PLA2G4C: variants seen among roughly 807,000 people sequenced by gnomAD.
PLA2G4C encodes cytosolic phospholipase A2 gamma.
In PLA2G4C, 64 loss-of-function variants were observed where a neutral mutation model predicts 73.8. The ratio of observed to expected loss-of-function variants is 0.87; its 90% CI spans 0.71 to 1.07. PLA2G4C has a LOEUF of 1.07. PLA2G4C is among the 50% of genes least tolerant of loss of function. The pLI, the probability that PLA2G4C is intolerant of heterozygous loss-of-function variation, is 0.00. For missense variants in PLA2G4C, 622 were observed against 665.4 expected, an observed-to-expected ratio of 0.93 and a Z score of 0.72; for synonymous variants, 254 against 252.1, an observed-to-expected ratio of 1.01 and a Z score of -0.07.
At chr19:48,057,860 G>A (rs1401062155) in intron 14 of PLA2G4C, among the ~76,000 whole-genome samples, 1 of 151,468 alleles carries the variant, frequency 6.6e-6, no homozygotes, top group Non-Finnish European at 1.5e-5. Flanking sequence ...TTTAGAGACA[G>A]GATCTTGCTG....
At position 48,106,619 on chromosome 19, in the gene PLA2G4C, G is replaced by T. The variant is rs370956103; in HGVS notation, c.-32-58C>A. 38 of 1,394,448 alleles carry T rather than the reference G, an allele frequency of 2.7e-5. No homozygotes were observed. In the African/African-American group the frequency reaches 4.8e-4, roughly 18 times the overall value. The allele number at this position is 1,394,448 out of a possible 1,614,324, so 86.4% of individuals were successfully genotyped here. ...CCCACTGTTGGGCTTAGCAAAGACA[G>T]TGGGGGAGGGCTGGGACTGTCACGG... On this transcript the variant is annotated intron_variant, in intron 1 of 16. Transcript: ENST00000599921.
Position 48,053,120 on chromosome 19 carries a change from T to C in PLA2G4C, c.1457A>G (p.Tyr486Cys), listed in dbSNP as rs1273847514. 6.2e-7 allele frequency: 1 copy of C among 1,607,202 alleles called. No homozygotes were observed. The highest frequency in any genetic ancestry group is 2.2e-5 in the East Asian group (1 of 44,642). Residue 486 changes from tyrosine (Y) to cysteine (C), a missense_variant, in exon 16 of 17, where the codon TAC becomes TGC. By Grantham distance (194) the Tyr-to-Cys change is radical. Coordinates refer to ENST00000599921, the MANE Select transcript of PLA2G4C (RefSeq NM_003706.3). Reference protein sequence around the residue: ...GGDIEAWSDTYDTFKLADTYT... With the variant: ...GGDIEAWSDTCDTFKLADTYT... ...GGTGTCAGCAAGCTTGAATGTGTCG[T>C]ATGTGTCACTCCATGCCTCAATATC... is the stretch of plus-strand genomic sequence containing the variant.
At chr19:48,102,571 C>A (rs772334220) in intron 4 of PLA2G4C, among the ~76,000 whole-genome samples, 1 of 152,160 alleles carries the variant, frequency 6.6e-6, no homozygotes, top group Non-Finnish European at 1.5e-5. Flanking sequence ...CATAGCTCTA[C>A]TTGATAGCTC....
At chr19:48,061,966 C>T (rs562521383) in intron 14 of PLA2G4C, 32 bp downstream of exon 14, 136 of 1,610,896 alleles carry the variant, frequency 8.4e-5, no homozygotes, top group Non-Finnish European at 1.1e-4. Flanking sequence ...CACCTCCCAC[C>T]CAGGACCGGC....
intron 10 of PLA2G4C, among the ~76,000 whole-genome samples, chr19:48,081,878 C>T (rs1036007921): frequency 1.3e-5 from 2 of 150,648 alleles, no homozygotes; most frequent in South Asian, 2.1e-4. Flanking sequence ...CTCAGAAGTT[C>T]GAGACCAGCC....
intron 15 of PLA2G4C, among the ~76,000 whole-genome samples, chr19:48,053,783 A>G (rs898251468): frequency 3.3e-5 from 5 of 152,174 alleles, no homozygotes; most frequent in African/African-American, 4.8e-5. Context: ...AACAGACACA[A>G]TTTATCCCTA....
At chr19:48,098,334 A>AC in intron 5 of PLA2G4C, 75 bp from the exon 6 acceptor site, 1 of 1,389,330 alleles carries the variant, frequency 7.2e-7, no homozygotes, top group Non-Finnish European at 9.5e-7. Context: ...CACGTAGGCC[A>AC]CATTTTTTTT....
In PLA2G4C at chr19:48,063,053, C is replaced by CT. The variant is rs1039001374; in HGVS notation, c.1103-902dup. On this transcript the variant is annotated intron_variant, in intron 13 of 16. Coordinates refer to ENST00000599921, the MANE Select transcript of PLA2G4C (RefSeq NM_003706.3). ...TAGATAAGAAGTGAATGGTTGCATTCTTTTTTTTTGAGAAGGAGTCTCGTT... is the reference window on the plus strand; with the variant it reads ...TAGATAAGAAGTGAATGGTTGCATTCTTTTTTTTTTGAGAAGGAGTCTCGTT... Among the ~76,000 whole-genome samples, 36 of 151,074 alleles carry CT rather than the reference C, an allele frequency of 2.4e-4. 1 individual carries two copies. Among genetic ancestry groups the CT allele is most frequent in the Admixed American group, 1.4e-3 (21 of 15,124 alleles).
At chr19:48,076,888 G>T (rs998769752) in intron 11 of PLA2G4C, among the ~76,000 whole-genome samples, 1 of 152,140 alleles carries the variant, frequency 6.6e-6, no homozygotes, top group African/African-American at 2.4e-5. Flanking sequence ...AACCCTTTGT[G>T]TCTTAAGCTA....
intron 14 of PLA2G4C, chr19:48,061,510 G>C (rs988945930): frequency 1.3e-5 from 2 of 155,622 alleles, no homozygotes; most frequent in African/African-American, 4.8e-5. Context: ...TGAAGGCAGG[G>C]AGAACGGATC....
Position 48,098,066 on chromosome 19 carries a change from G to A in PLA2G4C, c.568+73C>T, listed in dbSNP as rs774004170. On this transcript the variant is annotated intron_variant, in intron 6 of 16. Coordinates refer to ENST00000599921, the MANE Select transcript of PLA2G4C (RefSeq NM_003706.3). ...CTGGGCTCCCCAAGGGGAGGGCAGG[G>A]AAACATTCTTCCATTCCACTCCGTG... 1,304 of 1,524,538 alleles carry A rather than the reference G, an allele frequency of 8.6e-4. 2 individuals carry two copies. The highest frequency in any genetic ancestry group is 1.1e-3 in the Non-Finnish European group (1,217 of 1,119,828). 94.4% of individuals were successfully genotyped at this position (1,524,538 alleles called of 1,614,324 possible).
At chr19:48,089,184 C>T (rs2031153990) in intron 8 of PLA2G4C, among the ~76,000 whole-genome samples, 1 of 152,078 alleles carries the variant, frequency 6.6e-6, no homozygotes, top group African/African-American at 2.4e-5. Context: ...TCCTAGCACA[C>T]TGGGAGGCTG....
intron 10 of PLA2G4C, among the ~76,000 whole-genome samples, chr19:48,080,775 G>A (rs1600210009): frequency 6.7e-6 from 1 of 148,510 alleles, no homozygotes; most frequent in Non-Finnish European, 1.5e-5. Context: ...CTGCATTCCA[G>A]CCTGGGCAAC....
In PLA2G4C at chr19:48,077,667, A is replaced by G. The variant is rs572638414; in HGVS notation, c.898+104T>C. ...TGCTCCTCTCCATTCCCAAAGGAGC[A>G]CCACATGAATCAGACACGTAAAGTT... On this transcript the variant is annotated intron_variant, in intron 11 of 16. Transcript: ENST00000599921. 3.6e-6 allele frequency: 3 copies of G among 827,678 alleles called. No homozygotes were observed. In the East Asian group the frequency reaches 8.6e-5, roughly 24 times the overall value. 51.3% of individuals were successfully genotyped at this position (827,678 alleles called of 1,614,324 possible).
At position 48,110,531 on chromosome 19, in the gene PLA2G4C, T is replaced by TGCTCCGGAATCCGGTGCGGAGTCTTGG; in HGVS notation, c.-78_-77insCCAAGACTCCGCACCGGATTCCGGAGC. On this transcript the variant is annotated 5_prime_UTR_variant, in exon 1 of 17. Transcript: ENST00000599921. ...GTGTGCGCATGCGCGGTGGAGCTTG[T>TGCTCCGGAATCCGGTGCGGAGTCTTGG]GCTCCGGAATCCGGTGCGGAGGCTT... 2 of 1,386,156 alleles carry TGCTCCGGAATCCGGTGCGGAGTCTTGG rather than the reference T, an allele frequency of 1.4e-6. No homozygotes were observed. Among genetic ancestry groups the TGCTCCGGAATCCGGTGCGGAGTCTTGG allele is most frequent in the African/African-American group, 1.8e-5 (1 of 55,332 alleles). 85.9% of individuals were successfully genotyped at this position (1,386,156 alleles called of 1,614,324 possible). A position where few individuals can be genotyped will look rare whatever the true frequency, so the allele number is the denominator to read the frequency against.
intron 16 of PLA2G4C, among the ~76,000 whole-genome samples, chr19:48,049,644 G>T (rs895304859): frequency 6.6e-6 from 1 of 152,188 alleles, no homozygotes; most frequent in Non-Finnish European, 1.5e-5. Flanking sequence ...GAACACCATG[G>T]TGAGCAAAGT....
intron 7 of PLA2G4C, among the ~76,000 whole-genome samples, chr19:48,092,058 CA>C (rs201599182): frequency 0.06 from 7,392 of 122,692 alleles, 234 homozygotes; most frequent in Non-Finnish European, 0.084. Context: ...GGTCGTTCCT[CA>C]AAAAAAAAAT....
rs138894369 is a variant in PLA2G4C, at chr19:48,099,225, C to T, written c.447+446G>A. Among the ~76,000 whole-genome samples the T allele has an allele frequency of 6.6e-3, 1,002 of 152,118 alleles. 10 individuals are homozygous for T. The highest frequency in any genetic ancestry group is 0.023 in the African/African-American group (962 of 41,502). On this transcript the variant is annotated intron_variant, in intron 5 of 16. Transcript: ENST00000599921. ...TCGAAGCTGCAGTGAGCCATGATCT[C>T]GCCACTGCACTCCAGCCTGGGTGAC... is the stretch of plus-strand genomic sequence containing the variant.
chr19:48,093,058 AC>A (rs2122642250), intron 7 of PLA2G4C, among the ~76,000 whole-genome samples: 1 of 152,246 alleles, frequency 6.6e-6, no homozygotes, highest in Admixed American at 6.5e-5. Flanking sequence ...CCTGGGAGTG[AC>A]AATTTCAAAA....
Sources: allele counts gnomAD v4.1 joint callset (sites outside exome capture counted in the v4.1 genomes callset), GRCh38; gene constraint gnomAD v4.1.1; transcripts MANE v1.5; gene names NCBI Gene and HGNC (gene_info 2026-07-23, HGNC 2026-07-21).